PTPRN2: variants seen among roughly 807,000 people sequenced by gnomAD.
PTPRN2 encodes receptor-type tyrosine-protein phosphatase N2.
PTPRN2 carries 74 observed loss-of-function variants against 118.8 expected under a neutral mutation model. That is an observed-to-expected ratio of 0.62 (90% CI 0.52 to 0.76). PTPRN2 has a LOEUF of 0.76. Among genes scored for constraint, PTPRN2 ranks in the 30% least tolerant of loss-of-function variants. The probability of loss-of-function intolerance (pLI) is 0.00; values close to 1 mark genes in which losing one functional copy is unlikely to be tolerated. For synonymous variants in PTPRN2, 641 were observed against 608.0 expected, an observed-to-expected ratio of 1.05 and a Z score of -0.80; for missense variants, 1,481 against 1,394.4, an observed-to-expected ratio of 1.06 and a Z score of -0.99.
At chr7:158,291,272 C>A (rs189948825) in intron 3 of PTPRN2, among the ~76,000 whole-genome samples, 4 of 152,316 alleles carry the variant, frequency 2.6e-5, no homozygotes, top group African/African-American at 9.6e-5. Flanking sequence ...GATGTCTAAT[C>A]ATTTTCACAC....
At position 157,977,524 on chromosome 7, in the gene PTPRN2, G is replaced by A. The variant is rs1802841536; in HGVS notation, c.1724-78787C>T. Among the ~76,000 whole-genome samples, 1 of 151,822 alleles carries A rather than the reference G, an allele frequency of 6.6e-6. No homozygotes were observed. The highest frequency in any genetic ancestry group is 2.1e-4 in the South Asian group (1 of 4,818). On this transcript the variant is annotated intron_variant, in intron 11 of 22. Transcript: ENST00000389418. The surrounding 1 kb of genome is among the most constrained non-coding windows in gnomAD (Gnocchi z 4.6). ...GGGCCCAGAGCGTGCAAGGCCCCAG[G>A]TGGGATGACGTGAGTGTGTTCATGG...
intron 3 of PTPRN2, among the ~76,000 whole-genome samples, chr7:158,245,858 ATGCTGACTCACAGGCATGGGGC>A (rs1047247590): frequency 1.5e-4 from 23 of 152,178 alleles, no homozygotes; most frequent in Admixed American, 3.3e-4. Flanking sequence ...GGTTATCCCT[ATGCTGACTCACAGGCATGGGGC>A]TGCTGACTCA....
chr7:158,231,265 C>T (rs1423072485), intron 3 of PTPRN2, among the ~76,000 whole-genome samples: 1 of 151,976 alleles, frequency 6.6e-6, no homozygotes, highest in Non-Finnish European at 1.5e-5. Context: ...GACCCTGTCT[C>T]AGAAACAACA....
intron 2 of PTPRN2, among the ~76,000 whole-genome samples, chr7:158,441,183 G>C (rs903825900): frequency 1.4e-5 from 2 of 147,750 alleles, no homozygotes; most frequent in East Asian, 2.0e-4. Flanking sequence ...GGTGGCAGTG[G>C]TGGTGATAGT....
intron 12 of PTPRN2, among the ~76,000 whole-genome samples, chr7:157,805,526 G>T (rs1331160882): frequency 6.6e-6 from 1 of 152,146 alleles, no homozygotes; most frequent in Non-Finnish European, 1.5e-5. Flanking sequence ...TGAGCACCAG[G>T]GGTGAAAATT....
chr7:158,077,672 G>A (rs1479095318), intron 11 of PTPRN2, among the ~76,000 whole-genome samples: 1 of 152,148 alleles, frequency 6.6e-6, no homozygotes, highest in African/African-American at 2.4e-5. Flanking sequence ...CCGAGCATGG[G>A]AGGGGATTCC....
chr7:158,337,296 G>C (rs529895410), intron 2 of PTPRN2, among the ~76,000 whole-genome samples: 4,333 of 147,106 alleles, frequency 0.029, 115 homozygotes, highest in Non-Finnish European at 0.043. Context: ...CACCATAAGA[G>C]CTGTCACGCA....
chr7:157,884,510 T>G (rs1378321804), intron 12 of PTPRN2, among the ~76,000 whole-genome samples: 1 of 152,138 alleles, frequency 6.6e-6, no homozygotes, highest in East Asian at 1.9e-4. Flanking sequence ...GCTTCTCTGG[T>G]CCCCTCCTGT....
At chr7:158,559,344 G>T (rs983063481) in intron 1 of PTPRN2, among the ~76,000 whole-genome samples, 8 of 152,090 alleles carry the variant, frequency 5.3e-5, no homozygotes, top group Admixed American at 4.6e-4. Context: ...TCCATATGAG[G>T]TCATACCATA....
At chr7:158,184,808 C>A (rs1024886407) in intron 5 of PTPRN2, among the ~76,000 whole-genome samples, 1 of 151,808 alleles carries the variant, frequency 6.6e-6, no homozygotes, top group African/African-American at 2.4e-5. Context: ...AATGAACTTC[C>A]GTCTCAAAAG....
intron 11 of PTPRN2, among the ~76,000 whole-genome samples, chr7:157,980,236 T>C (rs1161950267): frequency 1.3e-5 from 2 of 152,210 alleles, no homozygotes; most frequent in Non-Finnish European, 2.9e-5. Flanking sequence ...GCAAACTTCA[T>C]AGGCAGGCTG....
At chr7:157,879,511 T>C (rs929154120) in intron 12 of PTPRN2, among the ~76,000 whole-genome samples, 7 of 152,234 alleles carry the variant, frequency 4.6e-5, no homozygotes, top group Non-Finnish European at 8.8e-5. Flanking sequence ...TTCTGATTTA[T>C]GGTAATTGTC....
chr7:157,707,110 G>A (rs1309625514), intron 12 of PTPRN2, among the ~76,000 whole-genome samples: 3 of 152,058 alleles, frequency 2.0e-5, no homozygotes, highest in Non-Finnish European at 4.4e-5. Flanking sequence ...CAGGTACCTG[G>A]GAATCTATAG....
chr7:158,097,506 G>T (rs748366278), intron 10 of PTPRN2, among the ~76,000 whole-genome samples: 1 of 152,320 alleles, frequency 6.6e-6, no homozygotes, highest in East Asian at 1.9e-4. Context: ...GGCGGTCCTC[G>T]TGGCTGATGT....
At chr7:158,387,672 G>A (rs955127396) in intron 2 of PTPRN2, among the ~76,000 whole-genome samples, 2 of 60,294 alleles carry the variant, frequency 3.3e-5, no homozygotes, top group African/African-American at 1.1e-4. Flanking sequence ...TGCTGAATCT[G>A]CTGACTTAAA....
At position 157,974,380 on chromosome 7, in the gene PTPRN2, C is replaced by T. The variant is rs1474180425; in HGVS notation, c.1724-75643G>A. 2.0e-5 allele frequency among the ~76,000 whole-genome samples: 3 copies of T among 152,216 alleles called. No homozygotes were observed. Among genetic ancestry groups the T allele is most frequent in the Admixed American group, 2.0e-4 (3 of 15,286 alleles). On this transcript the variant is annotated intron_variant, in intron 11 of 22. Coordinates refer to ENST00000389418, the MANE Select transcript of PTPRN2 (RefSeq NM_002847.5). This position sits in a 1 kb window ranked among gnomAD's most constrained non-coding sequence, Gnocchi z 4.0. Reference sequence around the variant, plus strand: ...CCTTTAATTTCAAACAGGGCCCTTCCACCTGCCCTTGATTCCCTGTGGCAC... The same window carrying T: ...CCTTTAATTTCAAACAGGGCCCTTCTACCTGCCCTTGATTCCCTGTGGCAC...
intron 3 of PTPRN2, among the ~76,000 whole-genome samples, chr7:158,216,248 G>T (rs1388825312): frequency 7.2e-5 from 11 of 152,070 alleles, no homozygotes; most frequent in African/African-American, 2.4e-4. Flanking sequence ...CAAAAACATA[G>T]ATAAAGTGGA....
In PTPRN2 at chr7:157,603,882, A is replaced by T; in HGVS notation, c.2418+120T>A. 1 of 931,088 alleles carries T rather than the reference A, an allele frequency of 1.1e-6. No individual in the cohort carries two copies. The highest frequency in any genetic ancestry group is 1.6e-6 in the Non-Finnish European group (1 of 616,020). 57.7% of individuals were successfully genotyped at this position (931,088 alleles called of 1,614,324 possible). A position where few individuals can be genotyped will look rare whatever the true frequency, so the allele number is the denominator to read the frequency against. On this transcript the variant is annotated intron_variant, in intron 16 of 22. Coordinates refer to ENST00000389418, the MANE Select transcript of PTPRN2 (RefSeq NM_002847.5). The surrounding 1 kb of genome is among the most constrained non-coding windows in gnomAD (Gnocchi z 5.4). Reference sequence around the variant, plus strand: ...CCAATGGGCAGAGTCGGCCCTGTCCACCGCAGAGACGCTGAGCTGGGTGGG... The same window carrying T: ...CCAATGGGCAGAGTCGGCCCTGTCCTCCGCAGAGACGCTGAGCTGGGTGGG...
chr7:157,649,419 C>T (rs1805458944), intron 14 of PTPRN2, among the ~76,000 whole-genome samples: 3 of 136,944 alleles, frequency 2.2e-5, no homozygotes, highest in Non-Finnish European at 3.2e-5. Flanking sequence ...GTGGGTCAGA[C>T]CCTTTCACTG....
Sources: gnomAD v4.1 joint callset for allele counts (sites outside exome capture counted in the v4.1 genomes callset) on GRCh38, gnomAD v4.1.1 for gene constraint, Gnocchi (gnomAD v3.1) non-coding constraint, MANE v1.5 for transcripts, NCBI Gene and HGNC (gene_info 2026-07-23, HGNC 2026-07-21) for gene names.